The following PCDH17 variants were observed in gnomAD, a reference collection of about 807,000 sequenced individuals.
PCDH17 encodes protocadherin 17.
A neutral mutation model predicts 67.7 loss-of-function variants in PCDH17; 21 were observed. The ratio of observed to expected loss-of-function variants is 0.31; its 90% confidence interval spans 0.22 to 0.45. The LOEUF (loss-of-function observed/expected upper bound fraction) is 0.45, where lower values mean the gene tolerates loss of function less well. PCDH17 is among the 20% of genes least tolerant of loss of function. The pLI, the probability that PCDH17 is intolerant of heterozygous loss-of-function variation, is 1.00. For synonymous variants in PCDH17, 701 were observed against 656.7 expected (o/e 1.07, Z -1.03); for missense variants, 1,471 against 1,564.8 (o/e 0.94, Z 1.01).
intron 3 of PCDH17, among the ~76,000 whole-genome samples, chr13:57,693,344 A>C (rs1037075453): frequency 1.2e-4 from 17 of 141,046 alleles, no homozygotes; most frequent in South Asian, 2.2e-4. Flanking sequence ...ATATATATAT[A>C]TCAAGGAGTT....
At chr13:57,680,590 T>A (rs555413752) in intron 3 of PCDH17, among the ~76,000 whole-genome samples, 113 of 151,720 alleles carry the variant, frequency 7.4e-4, no homozygotes, top group Non-Finnish European at 1.5e-3. Context: ...ATTTTTTTTT[T>A]ATTATACTTT....
intron 3 of PCDH17, among the ~76,000 whole-genome samples, chr13:57,667,119 G>T (rs1326317644): frequency 2.0e-5 from 3 of 151,842 alleles, no homozygotes; most frequent in Non-Finnish European, 4.4e-5. Context: ...TCCTATTTGG[G>T]GTTATACTAA....
In PCDH17 at chr13:57,683,300, T is replaced by C. The variant is rs1228066711; in HGVS notation, c.2797+16467T>C. Among the ~76,000 whole-genome samples, 5 of 151,786 alleles carry C rather than the reference T, an allele frequency of 3.3e-5. No individual in the cohort carries two copies. The East Asian group carries it at 9.7e-4, about 30-fold the overall frequency. ...TTCAGTATTAAGAACTTCCATCAGG[T>C]TTTAACAATACAGTTGGGCTGTTAA... On this transcript the variant is annotated intron_variant, in intron 3 of 3. Transcript: ENST00000377918.
At chr13:57,694,717 T>C (rs1955590408) in intron 3 of PCDH17, among the ~76,000 whole-genome samples, 1 of 151,278 alleles carries the variant, frequency 6.6e-6, no homozygotes, top group Non-Finnish European at 1.5e-5. Context: ...AAAAAATTTT[T>C]AACCTTTTTA....
At chr13:57,664,573 AT>A (rs1168559440) in intron 1 of PCDH17, among the ~76,000 whole-genome samples, 1 of 152,180 alleles carries the variant, frequency 6.6e-6, no homozygotes, top group Non-Finnish European at 1.5e-5. Context: ...AATTAAAACC[AT>A]TAAAATCACA....
intron 1 of PCDH17, among the ~76,000 whole-genome samples, chr13:57,648,248 T>C (rs1388025341): frequency 6.6e-6 from 1 of 151,890 alleles, no homozygotes; most frequent in Non-Finnish European, 1.5e-5. Flanking sequence ...GAGATACCTT[T>C]TTAGTTGGTT....
chr13:57,632,553 C>G lies in PCDH17; in HGVS notation c.7C>G (p.Leu3Val), dbSNP rs1954740152. The change falls in exon 1 of 4, where the codon CTT (leucine) becomes GTT (valine). Residue 3 changes from leucine to valine, a missense_variant. By Grantham distance (32) the Leu-to-Val change is conservative. This residue lies in a region of PCDH17 where 1,163 missense variants were observed against 1,230.0 expected (regional missense o/e 0.95). Transcript: ENST00000377918. The stretch of plus-strand genomic sequence containing the variant: ...CCCACCTTACAGGTCTGGGATGTAC[C>G]TTTCCATCTGTTGCTGCTTTCTTCT... MY[L>V]SICCCFLLWA... is the part of the protein sequence containing the mutation. 6.2e-7 allele frequency: 1 copy of G among 1,613,436 alleles called. No individual in the cohort carries two copies.
intron 3 of PCDH17, among the ~76,000 whole-genome samples, chr13:57,702,966 T>TTG (rs1955681926): frequency 6.6e-6 from 1 of 152,198 alleles, no homozygotes; most frequent in African/African-American, 2.4e-5. Context: ...TGTAACTGTG[T>TTG]TGTGTGTGTG....
In PCDH17 at chr13:57,634,230, C is replaced by T; in HGVS notation, c.1684C>T (p.His562Tyr). The T allele has an allele frequency of 1.9e-6, 3 of 1,613,254 alleles. No individual in the cohort carries two copies. The highest frequency in any genetic ancestry group is 2.5e-6 in the Non-Finnish European group (3 of 1,180,026). Residue 562 changes from histidine (H) to tyrosine (Y), a missense_variant, in exon 1 of 4, where the codon CAC (histidine) becomes TAC (tyrosine). This residue lies in a region of PCDH17 where 1,163 missense variants were observed against 1,230.0 expected (regional missense o/e 0.95). Coordinates refer to ENST00000377918, the MANE Select transcript of PCDH17 (RefSeq NM_001040429.3). This position sits in a 1 kb window ranked among gnomAD's most constrained non-coding sequence, Gnocchi z 7.8. ...TGCTAAGGACTCGGGGGCGCCCGCG[C>T]ACTTGGAGAGCAACGCCACGGTGAG... ...VLAKDSGAPA[H>Y]LESNATVRVT...
At chr13:57,696,453 AT>A in intron 3 of PCDH17, among the ~76,000 whole-genome samples, 1 of 151,520 alleles carries the variant, frequency 6.6e-6, no homozygotes, top group African/African-American at 2.4e-5. Flanking sequence ...ATAAAATAGA[AT>A]ATTGATGGAA....
intron 3 of PCDH17, among the ~76,000 whole-genome samples, chr13:57,722,588 A>T (rs61961929): frequency 0.063 from 9,550 of 152,108 alleles, 339 homozygotes; most frequent in Middle Eastern, 0.095. Context: ...CCTGATATTG[A>T]ACCTTTCTTT....
chr13:57,717,987 T>A lies in PCDH17; in HGVS notation c.2798-6625T>A, dbSNP rs1874429713. 2.6e-5 allele frequency among the ~76,000 whole-genome samples: 4 copies of A among 151,964 alleles called. No individual in the cohort carries two copies. In the South Asian group the frequency reaches 8.3e-4, roughly 31 times the overall value. On this transcript the variant is annotated intron_variant, in intron 3 of 3. Transcript: ENST00000377918. ...GCCAACATGTTAACAGACAACCTCA[T>A]GAAATAAGCATATTGTAACAAGATA...
At chr13:57,636,138 C>A (rs575480732) in intron 1 of PCDH17, among the ~76,000 whole-genome samples, 3 of 152,240 alleles carry the variant, frequency 2.0e-5, no homozygotes, top group East Asian at 1.9e-4. Context: ...GGTGACTATA[C>A]CATGTCTAGT....
chr13:57,689,032 A>C (rs1955532742), intron 3 of PCDH17, among the ~76,000 whole-genome samples: 1 of 152,066 alleles, frequency 6.6e-6, no homozygotes, highest in African/African-American at 2.4e-5. Context: ...ATGACTAAAA[A>C]TTTATTAGCG....
chr13:57,722,535 A>G (rs1408426750), intron 3 of PCDH17, among the ~76,000 whole-genome samples: 1 of 152,176 alleles, frequency 6.6e-6, no homozygotes. Context: ...GGTAATATTT[A>G]TGATTCCCAT....
chr13:57,713,304 A>G (rs1356483119), intron 3 of PCDH17, among the ~76,000 whole-genome samples: 1 of 151,740 alleles, frequency 6.6e-6, no homozygotes, highest in Non-Finnish European at 1.5e-5. Flanking sequence ...TATTGAGTGC[A>G]TTGATTTCAC....
At chr13:57,639,132 CT>C (rs1335730642) in intron 1 of PCDH17, among the ~76,000 whole-genome samples, 1 of 151,890 alleles carries the variant, frequency 6.6e-6, no homozygotes, top group Non-Finnish European at 1.5e-5. Context: ...AGGAATGTCC[CT>C]TTCTTACTCT....
intron 3 of PCDH17, among the ~76,000 whole-genome samples, chr13:57,723,422 G>A (rs17054277): frequency 0.089 from 13,493 of 152,100 alleles, 687 homozygotes; most frequent in Middle Eastern, 0.19. Context: ...ATTTATCAAT[G>A]CTATTACATT....
At position 57,633,092 on chromosome 13, in the gene PCDH17, C is replaced by A. The variant is rs541671396; in HGVS notation, c.546C>A (p.Asp182Glu). Residue 182 changes from aspartate (D) to glutamate (E), a missense_variant, in exon 1 of 4, where the codon GAC (aspartate) becomes GAA (glutamate). By Grantham distance (45) the Asp-to-Glu change is conservative (BLOSUM62 2). Around this residue, in one of 3 missense-constraint regions of PCDH17, gnomAD observed 1,163 missense variants for 1,230.0 expected, o/e 0.95. Coordinates refer to ENST00000377918, the MANE Select transcript of PCDH17 (RefSeq NM_001040429.3). The surrounding 1 kb of genome is among the most constrained non-coding windows in gnomAD (Gnocchi z 6.2). ...TRDDHGLFGL[D>E]VKSRGDGTKF... is the part of the protein sequence containing the mutation. ...ACGATCACGGCCTCTTTGGACTGGA[C>A]GTTAAGTCCCGCGGCGACGGCACCA... The A allele has an allele frequency of 6.2e-7, 1 of 1,613,408 alleles. No individual in the cohort carries two copies. The highest frequency in any genetic ancestry group is 2.2e-5 in the East Asian group (1 of 44,830).
Sources: gnomAD v4.1 joint callset for allele counts (sites outside exome capture counted in the v4.1 genomes callset) on GRCh38, gnomAD v4.1.1 for gene constraint, gnomAD v4.1.1 regional missense constraint, Gnocchi (gnomAD v3.1) non-coding constraint, MANE v1.5 for transcripts, NCBI Gene and HGNC (gene_info 2026-07-23, HGNC 2026-07-21) for gene names.